Variants in AGMO observed in about 807,000 individuals in gnomAD.
The protein encoded by AGMO is glyceryl-ether monooxygenase.
A neutral mutation model predicts 60.2 loss-of-function variants in AGMO; 75 were observed. The ratio of observed to expected loss-of-function variants is 1.25; its 90% confidence interval spans 1.03 to 1.51. The LOEUF is 1.51. Ranked by LOEUF, AGMO falls within the 40% of genes most tolerant of loss-of-function variation. AGMO has a pLI of 0.00. For missense variants in AGMO, 763 were observed against 525.5 expected, an observed-to-expected ratio of 1.45 and a Z score of -4.42; for synonymous variants, 261 against 177.1, an observed-to-expected ratio of 1.47 and a Z score of -3.76.
chr7:15,198,978 C>G (rs1001231404), downstream of AGMO, among the ~76,000 whole-genome samples: 2 of 152,188 alleles, frequency 1.3e-5, no homozygotes, highest in African/African-American at 2.4e-5. Flanking sequence ...CAAAGGCAGC[C>G]TTGTCCCCAG....
At chr7:15,207,822 T>A (rs1781480065) in intron 12 of AGMO, among the ~76,000 whole-genome samples, 2 of 152,132 alleles carry the variant, frequency 1.3e-5, no homozygotes, top group African/African-American at 4.8e-5. Context: ...TAGTCCCAGC[T>A]ACTCGGGAAG....
the AGMO span, among the ~76,000 whole-genome samples, chr7:15,164,889 T>C: frequency 1.3e-5 from 2 of 148,586 alleles, no homozygotes; most frequent in Non-Finnish European, 3.0e-5. Flanking sequence ...ATCCTGAGTA[T>C]CTATCCACAG....
chr7:15,270,596 A>ATTGTTTTTTTTTTTTTTTTTT (rs1783570977), intron 12 of AGMO, among the ~76,000 whole-genome samples: 1 of 48,032 alleles, frequency 2.1e-5, no homozygotes, highest in African/African-American at 8.2e-5. Context: ...TCTGTTGATA[A>ATTGTTTTTTTTTTTTTTTTTT]TTTTTTTTTT....
At chr7:15,534,685 T>G (rs573562534) in intron 3 of AGMO, among the ~76,000 whole-genome samples, 32 of 152,016 alleles carry the variant, frequency 2.1e-4, no homozygotes, top group African/African-American at 7.2e-4. Flanking sequence ...TTTCCCTAGC[T>G]TTGGATTATG....
At chr7:15,383,802 C>G (rs1453663871) in intron 10 of AGMO, among the ~76,000 whole-genome samples, 1 of 151,764 alleles carries the variant, frequency 6.6e-6, no homozygotes, top group South Asian at 2.1e-4. Context: ...GTTTTTTTCC[C>G]GGATTGTTGT....
chr7:15,473,164 C>G (rs1782493200), intron 3 of AGMO, among the ~76,000 whole-genome samples: 1 of 151,894 alleles, frequency 6.6e-6, no homozygotes, highest in African/African-American at 2.4e-5. Flanking sequence ...TTGATAAATT[C>G]CTGGACACAT....
intron 2 of AGMO, among the ~76,000 whole-genome samples, chr7:15,552,935 T>C (rs1785009354): frequency 6.6e-6 from 1 of 151,522 alleles, no homozygotes; most frequent in South Asian, 2.1e-4. Context: ...TGTCCAACAA[T>C]GATAGACTGG....
intron 3 of AGMO, among the ~76,000 whole-genome samples, chr7:15,443,985 T>C (rs956446560): frequency 6.6e-6 from 1 of 152,186 alleles, no homozygotes; most frequent in African/African-American, 2.4e-5. Flanking sequence ...AAAAGTATTA[T>C]GCAATGCTTA....
chr7:15,352,280 G>A (rs993366761), intron 12 of AGMO, among the ~76,000 whole-genome samples: 7 of 151,828 alleles, frequency 4.6e-5, no homozygotes, highest in Non-Finnish European at 8.8e-5. Flanking sequence ...TACTTGTCCT[G>A]CCTATTTAAA....
chr7:15,316,181 C>T lies in AGMO; in HGVS notation c.1263+49333G>A, dbSNP rs557985929. The stretch of plus-strand genomic sequence containing the variant: ...TGGAGTTGCCAAGGGAAAAACAAAA[C>T]ACAGTAATGGAGAGGACAGAACACT... On this transcript the variant is annotated intron_variant, in intron 12 of 12. Transcript: ENST00000342526. 2.0e-5 allele frequency among the ~76,000 whole-genome samples: 3 copies of T among 152,224 alleles called. No individual in the cohort carries two copies. The South Asian group carries it at 6.2e-4, about 32-fold the overall frequency.
chr7:15,274,321 G>C (rs1583351725), intron 12 of AGMO, among the ~76,000 whole-genome samples: 1 of 152,142 alleles, frequency 6.6e-6, no homozygotes, highest in African/African-American at 2.4e-5. Flanking sequence ...AGAGTTTTTA[G>C]CATGAAGGGC....
chr7:15,517,227 G>C (rs569649823), intron 3 of AGMO, among the ~76,000 whole-genome samples: 2 of 151,832 alleles, frequency 1.3e-5, no homozygotes, highest in African/African-American at 4.8e-5. Context: ...CATAATGCAA[G>C]ACTTTAGCAC....
At chr7:15,179,659 A>G in the AGMO span, among the ~76,000 whole-genome samples, 4 of 152,042 alleles carry the variant, frequency 2.6e-5, no homozygotes, top group Non-Finnish European at 5.9e-5. Flanking sequence ...GTCTCAGAGA[A>G]AACCCTACTC....
chr7:15,500,566 C>G (rs966347383), intron 3 of AGMO, among the ~76,000 whole-genome samples: 9 of 151,780 alleles, frequency 5.9e-5, no homozygotes, highest in African/African-American at 2.2e-4. Flanking sequence ...GCACAAGAAA[C>G]TCCCATAACT....
Position 15,348,402 on chromosome 7 carries a change from A to T in AGMO, c.1263+17112T>A, listed in dbSNP as rs533846907. ...AACTGTTTAGGCATCAATAGGAAAA[A>T]AGAAGCCAGAAAAATGCTATTACCA... is the stretch of plus-strand genomic sequence containing the variant. On this transcript the variant is annotated intron_variant, in intron 12 of 12. Transcript: ENST00000342526. 3.7e-4 allele frequency among the ~76,000 whole-genome samples: 56 copies of T among 152,222 alleles called. 1 individual carries two copies. The highest frequency in any genetic ancestry group is 2.6e-4 in the Admixed American group (4 of 15,264).
chr7:15,168,190 G>T, the AGMO span, among the ~76,000 whole-genome samples: 1 of 152,168 alleles, frequency 6.6e-6, no homozygotes, highest in African/African-American at 2.4e-5. Flanking sequence ...GGGTACATAT[G>T]CTTAGTTTGA....
the AGMO span, among the ~76,000 whole-genome samples, chr7:15,192,775 T>A: frequency 6.6e-6 from 1 of 152,104 alleles, no homozygotes; most frequent in South Asian, 2.1e-4. Flanking sequence ...TCCATTTGAG[T>A]GTTCCCCCTC....
chr7:15,504,716 G>T (rs1045402447), intron 3 of AGMO, among the ~76,000 whole-genome samples: 3 of 150,124 alleles, frequency 2.0e-5, no homozygotes, highest in Non-Finnish European at 4.4e-5. Flanking sequence ...TTGGATACAA[G>T]TTTATCCAGA....
intron 4 of AGMO, 69 bp from the exon 5 acceptor site, chr7:15,418,722 T>C (rs1289117142): frequency 1.1e-5 from 10 of 891,340 alleles, no homozygotes; most frequent in Non-Finnish European, 1.7e-5. Flanking sequence ...AATGGTTCAA[T>C]ATTCTGAATG....
Sources: gnomAD v4.1 joint callset for allele counts (sites outside exome capture counted in the v4.1 genomes callset) on GRCh38, gnomAD v4.1.1 for gene constraint, MANE v1.5 for transcripts, NCBI Gene and HGNC (gene_info 2026-07-23, HGNC 2026-07-21) for gene names.